Variants in AGMO observed in about 807,000 individuals in gnomAD.
AGMO encodes the protein alkylglycerol monooxygenase, also known as glyceryl-ether monooxygenase.
AGMO carries 75 observed loss-of-function variants against 60.2 expected under a neutral mutation model. That is an observed-to-expected ratio of 1.25 (90% confidence interval 1.03 to 1.51). The LOEUF is 1.51. Among genes scored for constraint, AGMO ranks in the 40% most tolerant of loss-of-function variants. AGMO has a pLI of 0.00. For missense variants in AGMO, 763 were observed against 525.5 expected (o/e 1.45, Z -4.42); for synonymous variants, 261 against 177.1 (o/e 1.47, Z -3.76).
intron 12 of AGMO, among the ~76,000 whole-genome samples, chr7:15,354,493 CGT>C (rs1491107858): frequency 6.7e-4 from 8 of 11,908 alleles, no homozygotes; most frequent in African/African-American, 1.3e-3. Flanking sequence ...TATATACACA[CGT>C]GTATATATAT....
chr7:15,273,475 G>C (rs1010622168), intron 12 of AGMO, among the ~76,000 whole-genome samples: 1 of 152,026 alleles, frequency 6.6e-6, no homozygotes, highest in Non-Finnish European at 1.5e-5. Context: ...TGTTCCACTG[G>C]TCTGTATCTC....
rs574618140 is a variant in AGMO, at chr7:15,347,346, G to A, written c.1263+18168C>T. Among the ~76,000 whole-genome samples the A allele has an allele frequency of 1.4e-4, 22 of 152,068 alleles. No homozygotes were observed. The East Asian group carries it at 4.3e-3, about 29-fold the overall frequency. On this transcript the variant is annotated intron_variant, in intron 12 of 12. Transcript: ENST00000342526. ...TTGTAAATGCCAAACTAGATAATTA[G>A]GTTTCTCCCACTTATAAAATAGCAC... is the stretch of plus-strand genomic sequence containing the variant.
chr7:15,144,053 T>G, the AGMO span, among the ~76,000 whole-genome samples: 4 of 152,218 alleles, frequency 2.6e-5, no homozygotes, highest in Non-Finnish European at 5.9e-5. Context: ...CTATTTTAAA[T>G]TTTTACTAGT....
At chr7:15,463,498 T>C (rs1282194301) in intron 3 of AGMO, among the ~76,000 whole-genome samples, 5 of 152,178 alleles carry the variant, frequency 3.3e-5, no homozygotes, top group Non-Finnish European at 7.4e-5. Context: ...AAATAATAAA[T>C]TGAGTTGTCC....
At chr7:15,180,146 A>C in the AGMO span, among the ~76,000 whole-genome samples, 1 of 152,144 alleles carries the variant, frequency 6.6e-6, no homozygotes, top group Non-Finnish European at 1.5e-5. Context: ...CTTTAGCAAA[A>C]GGCTGCTTTG....
rs578198056 is a variant in AGMO, at chr7:15,530,552, T to C, written c.409+14220A>G. 3.2e-5 allele frequency among the ~76,000 whole-genome samples: 3 copies of C among 92,464 alleles called. No individual in the cohort carries two copies. The East Asian group carries it at 9.7e-4, about 30-fold the overall frequency. The allele number at this position is 92,464 out of a possible 152,430, so 60.7% of individuals were successfully genotyped here. ...TACGTATTTCTATATATATTCTATA[T>C]ACGTATTTCTATATATATTCTATAT... is the stretch of plus-strand genomic sequence containing the variant. On this transcript the variant is annotated intron_variant, in intron 3 of 12. Coordinates refer to ENST00000342526, the MANE Select transcript of AGMO (RefSeq NM_001004320.2).
intron 10 of AGMO, among the ~76,000 whole-genome samples, chr7:15,373,049 A>G (rs1305418905): frequency 3.9e-5 from 6 of 152,168 alleles, no homozygotes; most frequent in African/African-American, 1.4e-4. Flanking sequence ...AATTCACTTG[A>G]GGCCAGGAGT....
chr7:15,371,305 C>T (rs976677897), intron 10 of AGMO, among the ~76,000 whole-genome samples: 4 of 151,168 alleles, frequency 2.6e-5, no homozygotes, highest in African/African-American at 9.8e-5. Context: ...ACGACAACCT[C>T]CCTTTCCAGC....
the AGMO span, among the ~76,000 whole-genome samples, chr7:15,153,973 T>C: frequency 9.9e-5 from 15 of 152,048 alleles, no homozygotes; most frequent in African/African-American, 3.4e-4. Context: ...TATCCATCCA[T>C]GAGGAGGCCC....
intron 12 of AGMO, among the ~76,000 whole-genome samples, chr7:15,243,906 CCTG>C (rs1782666934): frequency 1.3e-5 from 2 of 152,248 alleles, no homozygotes; most frequent in South Asian, 4.1e-4. Flanking sequence ...CTTCCACTTT[CCTG>C]CTTATGAGAT....
intron 4 of AGMO, among the ~76,000 whole-genome samples, chr7:15,425,512 G>A (rs1234088871): frequency 6.6e-6 from 1 of 150,936 alleles, no homozygotes; most frequent in Non-Finnish European, 1.5e-5. Flanking sequence ...ACGAATAACT[G>A]TAGCCTCAAC....
chr7:15,297,214 G>A (rs1784429924), intron 12 of AGMO, among the ~76,000 whole-genome samples: 3 of 152,154 alleles, frequency 2.0e-5, no homozygotes, highest in Non-Finnish European at 4.4e-5. Flanking sequence ...GCATAAGTAC[G>A]AAATCCCCCG....
chr7:15,299,547 C>T (rs1326961390), intron 12 of AGMO, among the ~76,000 whole-genome samples: 1 of 151,930 alleles, frequency 6.6e-6, no homozygotes, highest in Admixed American at 6.6e-5. Context: ...ATTATATGGC[C>T]AGGTGCGGTG....
At chr7:15,474,222 A>T (rs560009180) in intron 3 of AGMO, among the ~76,000 whole-genome samples, 1 of 152,266 alleles carries the variant, frequency 6.6e-6, no homozygotes, top group South Asian at 2.1e-4. Flanking sequence ...TATGGAACCA[A>T]AAAAGAGCCC....
At chr7:15,356,736 T>C (rs1782545266) in intron 12 of AGMO, among the ~76,000 whole-genome samples, 2 of 151,742 alleles carry the variant, frequency 1.3e-5, no homozygotes, top group South Asian at 2.1e-4. Context: ...TCAAATGCTA[T>C]ATGAAAAAAT....
chr7:15,534,505 A>C (rs1032608112), intron 3 of AGMO, among the ~76,000 whole-genome samples: 1 of 152,002 alleles, frequency 6.6e-6, no homozygotes, highest in Admixed American at 6.6e-5. Context: ...CTAGGAAGAG[A>C]TCATTAGTAT....
intron 12 of AGMO, among the ~76,000 whole-genome samples, chr7:15,232,392 C>T (rs1376630535): frequency 1.3e-5 from 2 of 152,182 alleles, no homozygotes; most frequent in African/African-American, 4.8e-5. Context: ...TCTTCCTTCT[C>T]TCCTTCTCCC....
the AGMO span, among the ~76,000 whole-genome samples, chr7:15,133,698 C>T: frequency 6.6e-6 from 1 of 152,116 alleles, no homozygotes; most frequent in Middle Eastern, 3.4e-3. Flanking sequence ...CATCATCAAG[C>T]CTATAATCCC....
chr7:15,239,339 T>C (rs1196293324), intron 12 of AGMO, among the ~76,000 whole-genome samples: 1 of 152,140 alleles, frequency 6.6e-6, no homozygotes, highest in Non-Finnish European at 1.5e-5. Context: ...AAGTGTCTGC[T>C]AATGAGTTCC....
Sources: gnomAD v4.1 joint callset for allele counts (sites outside exome capture counted in the v4.1 genomes callset) on GRCh38, gnomAD v4.1.1 for gene constraint, MANE v1.5 for transcripts, NCBI Gene and HGNC (gene_info 2026-07-23, HGNC 2026-07-21) for gene names.